HECA: variants seen among roughly 807,000 people sequenced by gnomAD.
HECA encodes the protein headcase protein homolog.
HECA carries 13 observed loss-of-function variants against 37.6 expected under a neutral mutation model. The ratio of observed to expected loss-of-function variants is 0.35; its 90% CI spans 0.23 to 0.55. The LOEUF (loss-of-function observed/expected upper bound fraction) is 0.55, where lower values mean the gene tolerates loss of function less well. Among genes scored for constraint, HECA ranks in the 20% least tolerant of loss-of-function variants. The pLI is 0.90. For synonymous variants in HECA, 307 were observed against 291.5 expected (o/e 1.05, Z -0.54); for missense variants, 527 against 701.9 (o/e 0.75, Z 2.82).
At chr6:139,150,696 A>G (rs1338345637) in intron 1 of HECA, among the ~76,000 whole-genome samples, 2 of 151,984 alleles carry the variant, frequency 1.3e-5, no homozygotes, top group Admixed American at 6.6e-5. Flanking sequence ...CAAATGTTAT[A>G]TTATTTTTCC....
chr6:139,166,187 T>C, intron 1 of HECA, 97 bp from the exon 2 acceptor site: 2 of 946,880 alleles, frequency 2.1e-6, no homozygotes, highest in East Asian at 2.5e-5. Context: ...ATTATATTCA[T>C]GTCTTAGAAA....
chr6:139,158,799 C>T (rs1023308704), intron 1 of HECA, among the ~76,000 whole-genome samples: 24 of 152,192 alleles, frequency 1.6e-4, no homozygotes, highest in African/African-American at 5.1e-4. Context: ...CTGGGCCAGG[C>T]ACAGTGGCCC....
rs1775087343 is a variant in HECA, at chr6:139,178,635, T to A, written c.*1530T>A. 1 of 151,566 alleles carries A rather than the reference T, an allele frequency of 6.6e-6. No homozygotes were observed. The highest frequency in any genetic ancestry group is 2.4e-5 in the African/African-American group (1 of 41,198). The allele number at this position is 151,566 out of a possible 1,614,324, so 9.4% of individuals were successfully genotyped here. On this transcript the variant is annotated 3_prime_UTR_variant, in exon 4 of 4. Coordinates refer to ENST00000367658, the MANE Select transcript of HECA (RefSeq NM_016217.3). ...TGTCACCCAGGCTGGAGTGCAGTAGTGCGATCTCAGCTCACTGCAACCTCT... is the reference window on the plus strand; with the variant it reads ...TGTCACCCAGGCTGGAGTGCAGTAGAGCGATCTCAGCTCACTGCAACCTCT...
In HECA at chr6:139,177,045, G is replaced by A. The variant is rs1392539804; in HGVS notation, c.1572G>A (p.Gly524=). Residue 524 remains glycine, a synonymous_variant, in exon 4 of 4, where the codon GGG becomes GGA. Coordinates refer to ENST00000367658, the MANE Select transcript of HECA (RefSeq NM_016217.3). This position sits in a 1 kb window ranked among gnomAD's most constrained non-coding sequence, Gnocchi z 4.9. ...ACGTCCAGCAGTGTCCACACTGTGG[G>A]AACCTGGACTACCACTTCGTGAAGC... The part of the protein sequence containing the change: ...YSNVQQCPHC[G]NLDYHFVKPF... The A allele has an allele frequency of 1.1e-6, 1 of 869,914 alleles. No individual in the cohort carries two copies. The highest frequency in any genetic ancestry group is 2.0e-6 in the Non-Finnish European group (1 of 499,136). 53.9% of individuals were successfully genotyped at this position (869,914 alleles called of 1,614,324 possible). A position where few individuals can be genotyped will look rare whatever the true frequency, so the allele number is the denominator to read the frequency against.
chr6:139,140,390 C>T (rs1774498947), intron 1 of HECA, among the ~76,000 whole-genome samples: 1 of 152,092 alleles, frequency 6.6e-6, no homozygotes, highest in Admixed American at 6.5e-5. Flanking sequence ...TTTTGAAATC[C>T]ACCTTTTTAG....
At chr6:139,158,313 A>T (rs964314071) in intron 1 of HECA, among the ~76,000 whole-genome samples, 1 of 151,904 alleles carries the variant, frequency 6.6e-6, no homozygotes, top group Admixed American at 6.6e-5. Flanking sequence ...CCGTCCTGGA[A>T]AACACAGTGA....
intron 1 of HECA, among the ~76,000 whole-genome samples, chr6:139,159,655 T>C (rs1774769117): frequency 6.6e-6 from 1 of 152,168 alleles, no homozygotes; most frequent in South Asian, 2.1e-4. Flanking sequence ...CTCTCTCTAT[T>C]ACTGTGGTCA....
At chr6:139,135,737 G>T (rs537534108) in intron 1 of HECA, 70 bp downstream of exon 1, 2 of 677,782 alleles carry the variant, frequency 3.0e-6, no homozygotes, top group East Asian at 2.3e-4. Flanking sequence ...CGGGGCCCTG[G>T]GTGGCGCGGG....
intron 1 of HECA, among the ~76,000 whole-genome samples, chr6:139,164,831 T>A (rs1023522038): frequency 2.7e-5 from 4 of 150,492 alleles, no homozygotes; most frequent in African/African-American, 9.8e-5. Flanking sequence ...GCCACTCTTT[T>A]GGGCCTGTGG....
chr6:139,135,647 C>T lies in HECA; in HGVS notation c.251C>T (p.Ala84Val). Residue 84 changes from alanine to valine, a missense_variant, in exon 1 of 4, where the codon GCC becomes GTC. Physicochemically the swap from Ala to Val is moderately conservative, Grantham distance 64 (BLOSUM62 0). Transcript: ENST00000367658. The stretch of plus-strand genomic sequence containing the variant: ...GCTGCGGCCGCCGCGGGGGCTGCGG[C>T]CGCGGGCGATGCCAAAAACGGTAAG... ...ANAAAAAGAA[A>V]AGDAKNEAPC... 3 of 978,680 alleles carry T rather than the reference C, an allele frequency of 3.1e-6. No individual in the cohort carries two copies. Among genetic ancestry groups the T allele is most frequent in the Non-Finnish European group, 3.6e-6 (3 of 824,560 alleles). The allele number at this position is 978,680 out of a possible 1,614,324, so 60.6% of individuals were successfully genotyped here. A position where few individuals can be genotyped will look rare whatever the true frequency, so the allele number is the denominator to read the frequency against.
At chr6:139,137,676 G>GT (rs1436660473) in intron 1 of HECA, among the ~76,000 whole-genome samples, 1 of 135,570 alleles carries the variant, frequency 7.4e-6, no homozygotes. Flanking sequence ...CAAGTTCACA[G>GT]TTTCCTTTTT....
chr6:139,146,040 C>CA (rs60527330), intron 1 of HECA, among the ~76,000 whole-genome samples: 84,333 of 151,826 alleles, frequency 0.56, 24,382 homozygotes, highest in Non-Finnish European at 0.6. Context: ...AATATATTGC[C>CA]ACTCAAATCA....
intron 1 of HECA, among the ~76,000 whole-genome samples, chr6:139,160,260 A>T (rs1774778943): frequency 6.6e-6 from 1 of 152,218 alleles, no homozygotes; most frequent in Admixed American, 6.5e-5. Flanking sequence ...TTTTTTAAAC[A>T]ATGCCAACTC....
chr6:139,164,069 C>G (rs972638175), intron 1 of HECA, among the ~76,000 whole-genome samples: 3 of 106,902 alleles, frequency 2.8e-5, no homozygotes, highest in Non-Finnish European at 5.8e-5. Flanking sequence ...CACACACAAA[C>G]ACACACACAC....
chr6:139,145,670 G>A (rs1210710790), intron 1 of HECA, among the ~76,000 whole-genome samples: 1 of 152,142 alleles, frequency 6.6e-6, no homozygotes, highest in Non-Finnish European at 1.5e-5. Context: ...AATCATAGAA[G>A]AATGTGAGCC....
chr6:139,136,468 C>T lies in HECA; in HGVS notation c.271+801C>T, dbSNP rs149120221. ...ATGGTTTTCGTTATAAGGTGCTGGG[C>T]AAACACTTACTTATTTGGACAGTTC... On this transcript the variant is annotated intron_variant, in intron 1 of 3. Coordinates refer to ENST00000367658, the MANE Select transcript of HECA (RefSeq NM_016217.3). 5.0e-3 allele frequency among the ~76,000 whole-genome samples: 757 copies of T among 152,064 alleles called. 1 individual carries two copies. Among genetic ancestry groups the T allele is most frequent in the Admixed American group, 8.1e-3 (124 of 15,294 alleles).
rs1562252486 is a variant in HECA at position 139,180,350 on chromosome 6, G to A, written c.*3245G>A. 6.6e-6 allele frequency: 1 copy of A among 152,638 alleles called. No homozygotes were observed. The highest frequency in any genetic ancestry group is 1.5e-5 in the Non-Finnish European group (1 of 68,040). The allele number at this position is 152,638 out of a possible 1,614,324, so 9.5% of individuals were successfully genotyped here. A position where few individuals can be genotyped will look rare whatever the true frequency, so the allele number is the denominator to read the frequency against. ...CTAAGTCTTTTGTTTAGTCCTGCAA[G>A]ACTGATGCTTAATACACAGTCTGTT... On this transcript the variant is annotated 3_prime_UTR_variant, in exon 4 of 4. Transcript: ENST00000367658.
intron 2 of HECA, 26 bp downstream of exon 2, chr6:139,167,350 GCTTT>G (rs772705673): frequency 2.0e-6 from 3 of 1,497,290 alleles, no homozygotes; most frequent in African/African-American, 1.4e-5. Context: ...CACCTTGCCT[GCTTT>G]CTGTTTGTTA....
Position 139,178,299 on chromosome 6 carries a change from C to G in HECA, c.*1194C>G, listed in dbSNP as rs1014249218. 1 of 152,052 alleles carries G rather than the reference C, an allele frequency of 6.6e-6. No individual in the cohort carries two copies. The highest frequency in any genetic ancestry group is 1.5e-5 in the Non-Finnish European group (1 of 68,024). 9.4% of individuals were successfully genotyped at this position (152,052 alleles called of 1,614,324 possible). On this transcript the variant is annotated 3_prime_UTR_variant, in exon 4 of 4. Coordinates refer to ENST00000367658, the MANE Select transcript of HECA (RefSeq NM_016217.3). ...GAGCATTGGGCATTCCAAAATACAG[C>G]CTTTGGTTCAGTAGATTTTAATGCT...
Sources: gnomAD v4.1 joint callset for allele counts (sites outside exome capture counted in the v4.1 genomes callset) on GRCh38, gnomAD v4.1.1 for gene constraint, Gnocchi (gnomAD v3.1) non-coding constraint, MANE v1.5 for transcripts, NCBI Gene and HGNC (gene_info 2026-07-23, HGNC 2026-07-21) for gene names.